The following KALRN variants were observed in gnomAD, a reference collection of about 807,000 sequenced individuals.
The protein encoded by KALRN is kalirin.
A neutral mutation model predicts 353.7 loss-of-function variants in KALRN; 70 were observed. That is an observed-to-expected ratio of 0.20 (90% CI 0.16 to 0.24). The LOEUF is 0.24. Ranked by LOEUF, KALRN falls within the 10% of genes least tolerant of loss-of-function variation. KALRN has a pLI of 1.00. For missense variants in KALRN, 2,791 were observed against 3,756.7 expected (o/e 0.74, Z 6.72); for synonymous variants, 1,391 against 1,434.8 (o/e 0.97, Z 0.69).
Position 124,665,425 on chromosome 3 carries a change from A to AT in KALRN, c.6346-1019dup, listed in dbSNP as rs899340408. Among the ~76,000 whole-genome samples, 92 of 152,204 alleles carry AT rather than the reference A, an allele frequency of 6.0e-4. 1 individual carries two copies. Among genetic ancestry groups the AT allele is most frequent in the African/African-American group, 2.0e-3 (83 of 41,552 alleles). ...GTCAGGTGGCCTAGTAGCTGGAATC[A>AT]TTTTTATTTTTTTATTTTATTAGTT... On this transcript the variant is annotated intron_variant, in intron 45 of 59. Transcript: ENST00000682506.
chr3:124,683,025 G>A (rs1263770088), intron 51 of KALRN, among the ~76,000 whole-genome samples: 1 of 151,920 alleles, frequency 6.6e-6, no homozygotes, highest in Non-Finnish European at 1.5e-5. Flanking sequence ...TAAAGATGAC[G>A]AGTATCATCC....
At chr3:124,332,819 C>T (rs761768790) in intron 8 of KALRN, among the ~76,000 whole-genome samples, 27 of 151,582 alleles carry the variant, frequency 1.8e-4, no homozygotes, top group Non-Finnish European at 3.1e-4. Context: ...TCGTATAGAG[C>T]GAGAGCAAAG....
intron 1 of KALRN, among the ~76,000 whole-genome samples, chr3:124,131,820 C>T (rs528289280): frequency 3.3e-5 from 5 of 152,250 alleles, no homozygotes; most frequent in African/African-American, 9.6e-5. Context: ...GTTTAGACAA[C>T]CCAGGCCCAT....
chr3:124,218,728 A>G (rs2150582268), intron 1 of KALRN, among the ~76,000 whole-genome samples: 2 of 152,332 alleles, frequency 1.3e-5, no homozygotes, highest in East Asian at 3.9e-4. Context: ...CGGGAGGAAG[A>G]GTGAGTAAGC....
chr3:124,393,796 C>T (rs149777931), intron 11 of KALRN, among the ~76,000 whole-genome samples: 5 of 152,334 alleles, frequency 3.3e-5, no homozygotes, highest in African/African-American at 1.2e-4. Context: ...TTTACACTTT[C>T]TTATTCATGG....
At chr3:124,616,514 G>A (rs1419141753) in intron 34 of KALRN, among the ~76,000 whole-genome samples, 1 of 152,136 alleles carries the variant, frequency 6.6e-6, no homozygotes, top group African/African-American at 2.4e-5. Flanking sequence ...CCAGATCTAG[G>A]GAATAATAGC....
intron 9 of KALRN, among the ~76,000 whole-genome samples, chr3:124,345,075 C>T (rs1486993724): frequency 6.6e-6 from 1 of 152,030 alleles, no homozygotes; most frequent in East Asian, 1.9e-4. Context: ...GAAAACATTG[C>T]CAGACAAGCA....
chr3:124,575,333 G>T (rs1465489911), intron 34 of KALRN, among the ~76,000 whole-genome samples: 1 of 152,218 alleles, frequency 6.6e-6, no homozygotes, highest in Non-Finnish European at 1.5e-5. Context: ...GCCCCCAGCT[G>T]CAGGGAGGTG....
chr3:124,418,094 A>C (rs1291008391), intron 14 of KALRN, among the ~76,000 whole-genome samples: 1 of 152,132 alleles, frequency 6.6e-6, no homozygotes, highest in Non-Finnish European at 1.5e-5. Context: ...AAAATAATGG[A>C]GCACAAATAA....
At chr3:124,634,063 C>T (rs1386094526) in intron 36 of KALRN, 110 bp downstream of exon 36, 3 of 782,700 alleles carry the variant, frequency 3.8e-6, no homozygotes, top group Non-Finnish European at 6.3e-6. Flanking sequence ...TCTCGTCGTC[C>T]ACATGAATCC....
chr3:124,114,668 C>A (rs898412385), intron 1 of KALRN, among the ~76,000 whole-genome samples: 2 of 152,162 alleles, frequency 1.3e-5, no homozygotes, highest in Non-Finnish European at 2.9e-5. Flanking sequence ...AAGGACATGG[C>A]AGGTACGGCT....
At chr3:124,274,473 G>A (rs976237450) in intron 5 of KALRN, among the ~76,000 whole-genome samples, 4 of 152,198 alleles carry the variant, frequency 2.6e-5, no homozygotes, top group African/African-American at 7.2e-5. Flanking sequence ...CTCTACTGAT[G>A]TCTACCCAGG....
chr3:124,583,377 T>A (rs1198640047), intron 34 of KALRN, among the ~76,000 whole-genome samples: 1 of 147,176 alleles, frequency 6.8e-6, no homozygotes, highest in Non-Finnish European at 1.5e-5. Flanking sequence ...CATGGAAAGG[T>A]CCCACTGATG....
intron 43 of KALRN, among the ~76,000 whole-genome samples, chr3:124,659,940 G>T (rs2084615977): frequency 6.7e-6 from 1 of 149,930 alleles, no homozygotes; most frequent in African/African-American, 2.4e-5. Flanking sequence ...TAATATGTAT[G>T]TATATATTTG....
intron 25 of KALRN, among the ~76,000 whole-genome samples, chr3:124,471,659 G>C (rs1217788379): frequency 6.6e-6 from 1 of 152,044 alleles, no homozygotes; most frequent in African/African-American, 2.4e-5. Flanking sequence ...AGTCAGACCT[G>C]GGGGTAGGCA....
intron 8 of KALRN, among the ~76,000 whole-genome samples, chr3:124,332,820 G>A (rs770105185): frequency 6.6e-6 from 1 of 152,144 alleles, no homozygotes; most frequent in African/African-American, 2.4e-5. Context: ...CGTATAGAGC[G>A]AGAGCAAAGT....
At chr3:124,142,572 T>C (rs1325437087) in intron 1 of KALRN, among the ~76,000 whole-genome samples, 1 of 152,174 alleles carries the variant, frequency 6.6e-6, no homozygotes, top group Admixed American at 6.5e-5. Flanking sequence ...AACCAGGGTT[T>C]TTCAGTGGTT....
intron 1 of KALRN, among the ~76,000 whole-genome samples, chr3:124,226,144 T>C (rs963876450): frequency 6.6e-6 from 1 of 152,206 alleles, no homozygotes; most frequent in Admixed American, 6.5e-5. Flanking sequence ...TTGATCCTTG[T>C]CTAACAGATA....
chr3:124,566,936 G>A (rs2072914968), intron 34 of KALRN, among the ~76,000 whole-genome samples: 1 of 152,184 alleles, frequency 6.6e-6, no homozygotes, highest in African/African-American at 2.4e-5. Context: ...CAGCACTCTT[G>A]CAGGCTGTGT....
Sources: gnomAD v4.1 joint callset for allele counts (sites outside exome capture counted in the v4.1 genomes callset) on GRCh38, gnomAD v4.1.1 for gene constraint, MANE v1.5 for transcripts, NCBI Gene and HGNC (gene_info 2026-07-23, HGNC 2026-07-21) for gene names.